Variants in ZFPM2 observed in about 807,000 individuals in gnomAD.
The protein encoded by ZFPM2 is zinc finger protein ZFPM2.
Under a neutral mutation model 98.6 loss-of-function variants are expected in ZFPM2, and 20 were observed. The ratio of observed to expected loss-of-function variants is 0.20; its 90% CI spans 0.14 to 0.29. ZFPM2 has a LOEUF of 0.29. Ranked by LOEUF, ZFPM2 falls within the 10% of genes least tolerant of loss-of-function variation. The probability of loss-of-function intolerance (pLI) is 1.00; values close to 1 mark genes in which losing one functional copy is unlikely to be tolerated. For missense variants in ZFPM2, 1,310 were observed against 1,388.6 expected (o/e 0.94, Z 0.90); for synonymous variants, 518 against 502.7 (o/e 1.03, Z -0.41).
intron 5 of ZFPM2, among the ~76,000 whole-genome samples, chr8:105,772,364 C>A (rs1208851632): frequency 6.6e-6 from 1 of 152,118 alleles, no homozygotes; most frequent in Non-Finnish European, 1.5e-5. Flanking sequence ...AAATTTCTTA[C>A]ACTCTTTGTC....
chr8:105,711,605 T>C (rs1811400231), intron 5 of ZFPM2, among the ~76,000 whole-genome samples: 1 of 152,118 alleles, frequency 6.6e-6, no homozygotes, highest in Non-Finnish European at 1.5e-5. Flanking sequence ...TCAGAGTGCA[T>C]ACTATATATA....
chr8:105,524,141 T>C (rs1814120885), intron 3 of ZFPM2, among the ~76,000 whole-genome samples: 1 of 152,200 alleles, frequency 6.6e-6, no homozygotes, highest in African/African-American at 2.4e-5. Context: ...TACTGCATAA[T>C]TGAGGCACTT....
At chr8:105,445,768 C>T (rs1176154742) in intron 3 of ZFPM2, among the ~76,000 whole-genome samples, 1 of 151,780 alleles carries the variant, frequency 6.6e-6, no homozygotes, top group Non-Finnish European at 1.5e-5. Flanking sequence ...CCACAACTGC[C>T]TAATTTTTAT....
At chr8:105,463,782 C>G (rs1812746042) in intron 3 of ZFPM2, among the ~76,000 whole-genome samples, 1 of 151,924 alleles carries the variant, frequency 6.6e-6, no homozygotes, top group Non-Finnish European at 1.5e-5. Flanking sequence ...ATAATCTTAT[C>G]TCTTCTACAG....
intron 5 of ZFPM2, among the ~76,000 whole-genome samples, chr8:105,771,241 T>G (rs1412131845): frequency 1.3e-5 from 2 of 152,120 alleles, no homozygotes. Flanking sequence ...CCCCACTGTC[T>G]TCTTCTTTTT....
intron 5 of ZFPM2, among the ~76,000 whole-genome samples, chr8:105,668,770 T>A (rs1378197797): frequency 1.3e-5 from 2 of 152,204 alleles, no homozygotes; most frequent in Admixed American, 6.5e-5. Flanking sequence ...TTACAGAATA[T>A]TGCTTTGGCA....
At chr8:105,634,904 A>C (rs1816818392) in intron 5 of ZFPM2, among the ~76,000 whole-genome samples, 1 of 152,130 alleles carries the variant, frequency 6.6e-6, no homozygotes, top group South Asian at 2.1e-4. Context: ...CTTGCAGGGC[A>C]TTGCCTTTGA....
intron 1 of ZFPM2, among the ~76,000 whole-genome samples, chr8:105,338,269 A>T (rs187141736): frequency 6.6e-6 from 1 of 151,846 alleles, no homozygotes; most frequent in Non-Finnish European, 1.5e-5. Context: ...ACATAATGAT[A>T]TGCTTTGTTC....
At chr8:105,506,815 G>A (rs536553981) in intron 3 of ZFPM2, among the ~76,000 whole-genome samples, 231 of 151,936 alleles carry the variant, frequency 1.5e-3, no homozygotes, top group African/African-American at 5.4e-3. Flanking sequence ...GTGAAACCCC[G>A]TCTCTACTAA....
At chr8:105,449,166 T>A (rs1451287056) in intron 3 of ZFPM2, among the ~76,000 whole-genome samples, 1 of 152,076 alleles carries the variant, frequency 6.6e-6, no homozygotes, top group Admixed American at 6.6e-5. Context: ...CACTTGAGAA[T>A]AGTGAAAATC....
chr8:105,799,639 A>G (rs1475979802), intron 7 of ZFPM2, among the ~76,000 whole-genome samples: 3 of 152,190 alleles, frequency 2.0e-5, no homozygotes, highest in Admixed American at 2.0e-4. Flanking sequence ...GTTTCATTTC[A>G]TAGCATTCTA....
chr8:105,366,438 ATCTT>A (rs1188661754), intron 1 of ZFPM2, among the ~76,000 whole-genome samples: 4 of 152,140 alleles, frequency 2.6e-5, no homozygotes. Context: ...GAGATACTGA[ATCTT>A]TATTTACATG....
chr8:105,528,290 A>G (rs1488650828), intron 3 of ZFPM2, among the ~76,000 whole-genome samples: 1 of 152,132 alleles, frequency 6.6e-6, no homozygotes, highest in Non-Finnish European at 1.5e-5. Context: ...AACTTACAGG[A>G]TATCATAATG....
At chr8:105,345,250 G>A (rs1438432619) in intron 1 of ZFPM2, among the ~76,000 whole-genome samples, 1 of 151,970 alleles carries the variant, frequency 6.6e-6, no homozygotes, top group Non-Finnish European at 1.5e-5. Context: ...AGTAATAATA[G>A]GTTACCGAAT....
chr8:105,532,178 A>G (rs1332840649), intron 3 of ZFPM2, among the ~76,000 whole-genome samples: 1 of 152,182 alleles, frequency 6.6e-6, no homozygotes, highest in Non-Finnish European at 1.5e-5. Flanking sequence ...TTGGAATTAC[A>G]GGTGTGAGCT....
At chr8:105,591,003 C>A (rs1040357985) in intron 4 of ZFPM2, among the ~76,000 whole-genome samples, 8 of 152,110 alleles carry the variant, frequency 5.3e-5, no homozygotes, top group African/African-American at 1.9e-4. Context: ...CAGTTGTGGG[C>A]AGATAAGTTA....
At chr8:105,425,415 C>T (rs536364598) in intron 2 of ZFPM2, among the ~76,000 whole-genome samples, 1 of 152,152 alleles carries the variant, frequency 6.6e-6, no homozygotes, top group Non-Finnish European at 1.5e-5. Flanking sequence ...ATCTGTAGCT[C>T]ATTAATGTGG....
intron 5 of ZFPM2, among the ~76,000 whole-genome samples, chr8:105,651,114 T>C (rs1817163913): frequency 6.6e-6 from 1 of 152,188 alleles, no homozygotes; most frequent in Non-Finnish European, 1.5e-5. Context: ...CCATGCCCAG[T>C]GACAAGTCTC....
intron 5 of ZFPM2, among the ~76,000 whole-genome samples, chr8:105,752,226 G>C (rs574535967): frequency 8.7e-4 from 133 of 152,214 alleles, no homozygotes; most frequent in African/African-American, 3.1e-3. Flanking sequence ...CTATAAAAGA[G>C]ACATATTGTT....
Sources: allele counts gnomAD v4.1 joint callset (sites outside exome capture counted in the v4.1 genomes callset), GRCh38; gene constraint gnomAD v4.1.1; transcripts MANE v1.5; gene names NCBI Gene and HGNC (gene_info 2026-07-23, HGNC 2026-07-21).